Variants in MAGI2 observed in about 807,000 individuals in gnomAD.
The protein encoded by MAGI2 is membrane associated guanylate kinase, WW and PDZ domain containing 2.
A neutral mutation model predicts 133.3 loss-of-function variants in MAGI2; 35 were observed. The ratio of observed to expected loss-of-function variants is 0.26; its 90% CI spans 0.20 to 0.35. MAGI2 has a LOEUF of 0.35. MAGI2 is among the 10% of genes least tolerant of loss of function. MAGI2 has a pLI of 1.00. For missense variants in MAGI2, 1,636 were observed against 1,863.4 expected (o/e 0.88, Z 2.25); for synonymous variants, 729 against 710.6 (o/e 1.03, Z -0.41).
chr7:79,246,499 G>T (rs1832827532), intron 1 of MAGI2, among the ~76,000 whole-genome samples: 1 of 152,180 alleles, frequency 6.6e-6, no homozygotes, highest in Non-Finnish European at 1.5e-5. Context: ...AGTTGAAAAT[G>T]CAATAGACAT....
chr7:78,916,155 A>G (rs1216366599), intron 2 of MAGI2, among the ~76,000 whole-genome samples: 1 of 152,108 alleles, frequency 6.6e-6, no homozygotes, highest in African/African-American at 2.4e-5. Flanking sequence ...AGACATGGAA[A>G]TGTTGTTTAT....
At chr7:78,863,924 A>G (rs569291009) in intron 2 of MAGI2, among the ~76,000 whole-genome samples, 15 of 152,330 alleles carry the variant, frequency 9.8e-5, no homozygotes, top group Non-Finnish European at 2.9e-5. Context: ...ATCATTGAAG[A>G]ACAGCTTGAA....
At chr7:78,687,542 G>T (rs1816452526) in intron 2 of MAGI2, among the ~76,000 whole-genome samples, 1 of 152,142 alleles carries the variant, frequency 6.6e-6, no homozygotes. Context: ...TAATTTCCTA[G>T]TACTTTGTCC....
intron 1 of MAGI2, among the ~76,000 whole-genome samples, chr7:79,196,476 G>T (rs895636206): frequency 6.6e-6 from 1 of 151,700 alleles, no homozygotes; most frequent in African/African-American, 2.4e-5. Context: ...TTATTTTTAG[G>T]CACTATCTAA....
intron 1 of MAGI2, among the ~76,000 whole-genome samples, chr7:79,426,556 G>A (rs1847383152): frequency 6.6e-6 from 1 of 152,022 alleles, no homozygotes; most frequent in African/African-American, 2.4e-5. Context: ...CGAAGATATT[G>A]GTTATTTATA....
At chr7:79,346,148 A>G (rs1841295401) in intron 1 of MAGI2, among the ~76,000 whole-genome samples, 1 of 152,022 alleles carries the variant, frequency 6.6e-6, no homozygotes, top group South Asian at 2.1e-4. Context: ...TAAGGTTGTC[A>G]TTCGGGCCTA....
intron 1 of MAGI2, among the ~76,000 whole-genome samples, chr7:79,435,641 C>G (rs541241382): frequency 6.6e-6 from 1 of 152,022 alleles, no homozygotes; most frequent in Non-Finnish European, 1.5e-5. Context: ...TTATTCCATG[C>G]TCGTGAATTG....
At chr7:79,188,046 T>C (rs1456010832) in intron 1 of MAGI2, among the ~76,000 whole-genome samples, 6 of 151,894 alleles carry the variant, frequency 4.0e-5, no homozygotes, top group Admixed American at 1.3e-4. Context: ...AAGACATTAG[T>C]TGTTGTCTCA....
At chr7:79,272,730 TA>T (rs1399195993) in intron 1 of MAGI2, among the ~76,000 whole-genome samples, 1 of 143,772 alleles carries the variant, frequency 7.0e-6, no homozygotes, top group Non-Finnish European at 1.5e-5. Context: ...AATATAGTAT[TA>T]ATCTAATACC....
intron 9 of MAGI2, among the ~76,000 whole-genome samples, chr7:78,316,840 C>CA (rs1299193284): frequency 6.6e-6 from 1 of 152,192 alleles, no homozygotes; most frequent in Non-Finnish European, 1.5e-5. Flanking sequence ...ATCAGGGATT[C>CA]TGGCCCATGA....
At chr7:78,264,388 T>C (rs931202713) in intron 9 of MAGI2, among the ~76,000 whole-genome samples, 3 of 152,196 alleles carry the variant, frequency 2.0e-5, no homozygotes, top group African/African-American at 4.8e-5. Flanking sequence ...GTCCCTCAGC[T>C]TATTATCGGT....
chr7:78,665,793 AT>A (rs1315528448), intron 2 of MAGI2, among the ~76,000 whole-genome samples: 2 of 152,182 alleles, frequency 1.3e-5, no homozygotes, highest in Non-Finnish European at 2.9e-5. Flanking sequence ...GTCTTCATGT[AT>A]TCATTCATTA....
chr7:79,396,152 C>T (rs1845040172), intron 1 of MAGI2, among the ~76,000 whole-genome samples: 1 of 151,872 alleles, frequency 6.6e-6, no homozygotes, highest in Non-Finnish European at 1.5e-5. Context: ...TTCTTGGGCT[C>T]ATAACTAGAT....
chr7:79,077,604 T>A (rs5013613), intron 1 of MAGI2, among the ~76,000 whole-genome samples: 41,908 of 60,950 alleles, frequency 0.69, 15,356 homozygotes, highest in African/African-American at 0.75. Context: ...AATAAATAAA[T>A]AAATAAATTC....
chr7:78,385,426 A>C (rs1282114027), intron 6 of MAGI2, among the ~76,000 whole-genome samples: 3 of 152,194 alleles, frequency 2.0e-5, no homozygotes, highest in Non-Finnish European at 4.4e-5. Context: ...CAGTTGAGAG[A>C]TAAGGCAGGA....
rs147274677 is a variant in MAGI2 at position 79,309,455 on chromosome 7, T to TA, written c.301+143564dup. Among the ~76,000 whole-genome samples the TA allele has an allele frequency of 9.8e-3, 1,492 of 151,538 alleles. 25 individuals are homozygous for TA. The highest frequency in any genetic ancestry group is 0.035 in the African/African-American group (1,439 of 41,420). ...GCTTTTACGTTAAAATATGTAGAGT[T>TA]ATTCCATTCAATTTTCTGCTATTGA... On this transcript the variant is annotated intron_variant, in intron 1 of 21. Coordinates refer to ENST00000354212, the MANE Select transcript of MAGI2 (RefSeq NM_012301.4).
At chr7:79,310,736 C>T (rs370341040) in intron 1 of MAGI2, among the ~76,000 whole-genome samples, 2 of 152,018 alleles carry the variant, frequency 1.3e-5, no homozygotes, top group African/African-American at 4.8e-5. Context: ...CCTGTGACCC[C>T]ATATCAAGTA....
chr7:78,051,735 C>T (rs1029892662), intron 21 of MAGI2, among the ~76,000 whole-genome samples: 17 of 152,098 alleles, frequency 1.1e-4, no homozygotes, highest in African/African-American at 4.1e-4. Context: ...TAGGCATGCA[C>T]CACCATGCCC....
At chr7:79,234,030 A>G (rs1428223202) in intron 1 of MAGI2, among the ~76,000 whole-genome samples, 8 of 141,792 alleles carry the variant, frequency 5.6e-5, no homozygotes, top group Non-Finnish European at 1.1e-4. Flanking sequence ...TCTGTAAAGT[A>G]TTTTATTTCT....
Sources: allele counts gnomAD v4.1 joint callset (sites outside exome capture counted in the v4.1 genomes callset), GRCh38; gene constraint gnomAD v4.1.1; transcripts MANE v1.5; gene names NCBI Gene and HGNC (gene_info 2026-07-23, HGNC 2026-07-21).